The following EPC1 variants were observed in gnomAD, a reference collection of about 807,000 sequenced individuals.
EPC1 encodes enhancer of polycomb 1.
A neutral mutation model predicts 98.4 loss-of-function variants in EPC1; 12 were observed. The observed-to-expected ratio is 0.12, with a 90% CI of 0.08 to 0.20. The LOEUF (loss-of-function observed/expected upper bound fraction) is 0.20, where lower values mean the gene tolerates loss of function less well. EPC1 is among the 10% of genes least tolerant of loss of function. The probability of loss-of-function intolerance (pLI) is 1.00; values close to 1 mark genes in which losing one functional copy is unlikely to be tolerated. For missense variants in EPC1, 729 were observed against 990.5 expected (o/e 0.74, Z 3.54); for synonymous variants, 357 against 363.9 (o/e 0.98, Z 0.21).
At chr10:32,309,593 C>T (rs1442009146) in intron 1 of EPC1, among the ~76,000 whole-genome samples, 4 of 150,624 alleles carry the variant, frequency 2.7e-5, no homozygotes, top group South Asian at 2.1e-4. Flanking sequence ...CGGTGGCTCA[C>T]GCCTGTAATC....
rs146114343 is a variant in EPC1, at chr10:32,292,603, C to T, written c.708G>A (p.Lys236=). The T allele has an allele frequency of 1.1e-5, 18 of 1,603,976 alleles. No homozygotes were observed. In the African/African-American group the frequency reaches 2.4e-4, roughly 22 times the overall value. ...CAGCTCGACTTAGATCTCGTCGCAG[C>T]TTAAGCATTTTTTCGTAAGAGGCTT... ...NDEASYEKML[K]LRRDLSRAVT... The change falls in exon 5 of 14, where the codon AAG becomes AAA. Residue 236 remains lysine, a synonymous_variant. Coordinates refer to ENST00000319778, the MANE Select transcript of EPC1 (RefSeq NM_001272004.3).
At chr10:32,356,560 G>T (rs775041037) in intron 1 of EPC1, among the ~76,000 whole-genome samples, 1 of 152,136 alleles carries the variant, frequency 6.6e-6, no homozygotes, top group African/African-American at 2.4e-5. Flanking sequence ...GGAGATCAAC[G>T]AGGAGAATCA....
At chr10:32,366,262 G>A (rs567925576) in intron 1 of EPC1, among the ~76,000 whole-genome samples, 1 of 152,262 alleles carries the variant, frequency 6.6e-6, no homozygotes, top group East Asian at 1.9e-4. Context: ...CTGTGCAAAA[G>A]CATTGTACTA....
At chr10:32,375,273 C>A (rs1215100201) in intron 1 of EPC1, among the ~76,000 whole-genome samples, 2 of 151,912 alleles carry the variant, frequency 1.3e-5, no homozygotes, top group Non-Finnish European at 2.9e-5. Context: ...AAGTTCATTC[C>A]AAGGTAGATT....
intron 2 of EPC1, among the ~76,000 whole-genome samples, chr10:32,303,504 A>G (rs1427054679): frequency 3.9e-5 from 6 of 152,252 alleles, no homozygotes; most frequent in African/African-American, 1.4e-4. Context: ...TCATATATCC[A>G]ACAACTGAAT....
At chr10:32,342,605 T>C (rs569195147) in intron 1 of EPC1, among the ~76,000 whole-genome samples, 91 of 152,316 alleles carry the variant, frequency 6.0e-4, no homozygotes, top group African/African-American at 2.1e-3. Flanking sequence ...TAGATCCTAC[T>C]TGTAACAGTT....
chr10:32,335,601 A>AC (rs563947944), intron 1 of EPC1, among the ~76,000 whole-genome samples: 2 of 152,258 alleles, frequency 1.3e-5, no homozygotes, highest in South Asian at 4.1e-4. Context: ...TCAAAAAAAC[A>AC]CAACCACTCA....
chr10:32,378,594 A>G, exon 1 of EPC1: 2 of 726,930 alleles, frequency 2.8e-6, no homozygotes, highest in Non-Finnish European at 4.5e-6. Context: ...CAGCATATGG[A>G]TCTTCCAACA....
intron 2 of EPC1, among the ~76,000 whole-genome samples, chr10:32,303,334 G>C (rs1398009490): frequency 6.6e-6 from 1 of 152,044 alleles, no homozygotes; most frequent in Non-Finnish European, 1.5e-5. Flanking sequence ...AACAACTCAT[G>C]TTCTCAAAAA....
At chr10:32,269,522 G>A (rs984863546) in intron 13 of EPC1, 5 of 179,962 alleles carry the variant, frequency 2.8e-5, no homozygotes, top group Non-Finnish European at 3.5e-5. Context: ...TCTAATACAT[G>A]GAGCTGAGTG....
chr10:32,280,696 C>T (rs1312706357), intron 10 of EPC1, among the ~76,000 whole-genome samples: 4 of 152,066 alleles, frequency 2.6e-5, no homozygotes, highest in African/African-American at 9.7e-5. Context: ...TGAGATCATG[C>T]CACTGCACTC....
chr10:32,345,636 A>G (rs530297535), intron 1 of EPC1: 1 of 985,278 alleles, frequency 1.0e-6, no homozygotes, highest in Non-Finnish European at 1.2e-6. Flanking sequence ...GGGGGAAATG[A>G]GAGGAAGATT....
Position 32,268,361 on chromosome 10 carries a change from TG to T in EPC1, c.*701del, listed in dbSNP as rs199923282. On this transcript the variant is annotated 3_prime_UTR_variant, in exon 14 of 14. Coordinates refer to ENST00000319778, the MANE Select transcript of EPC1 (RefSeq NM_001272004.3). ...GATTCAAGAGACTTCATTTTTAGCT[TG>T]TTACTTGTCCTAATGATAGTAGACC... The T allele has an allele frequency of 7.8e-4, 118 of 151,972 alleles. 4 individuals are homozygous for T. The East Asian group carries it at 0.022, about 28-fold the overall frequency. The allele number at this position is 151,972 out of a possible 1,614,324, so 9.4% of individuals were successfully genotyped here. A position where few individuals can be genotyped will look rare whatever the true frequency, so the allele number is the denominator to read the frequency against.
chr10:32,306,875 C>T (rs1420572427), intron 1 of EPC1, among the ~76,000 whole-genome samples: 1 of 151,952 alleles, frequency 6.6e-6, no homozygotes, highest in Non-Finnish European at 1.5e-5. Flanking sequence ...CACACACACA[C>T]ACACACACAC....
upstream of EPC1, among the ~76,000 whole-genome samples, chr10:32,352,184 A>G (rs1189060046): frequency 6.6e-6 from 1 of 150,848 alleles, no homozygotes; most frequent in African/African-American, 2.4e-5. Flanking sequence ...AGCTGGGACT[A>G]CAGGCACCTG....
rs758236325 is a variant in EPC1, at chr10:32,331,615, ACTATC to A, written c.153+15143_153+15147del. ...TATTAGACTTAGAGATAACATATAAACTATCCAAAGTAAAAATAAGTATTTTAATA... is the reference window on the plus strand; with the variant it reads ...TATTAGACTTAGAGATAACATATAAACAAAGTAAAAATAAGTATTTTAATA... On this transcript the variant is annotated intron_variant, in intron 1 of 13. Coordinates refer to ENST00000319778, the MANE Select transcript of EPC1 (RefSeq NM_001272004.3). 2.0e-3 allele frequency among the ~76,000 whole-genome samples: 309 copies of A among 152,284 alleles called. 1 individual carries two copies. The highest frequency in any genetic ancestry group is 2.1e-3 in the East Asian group (11 of 5,190).
chr10:32,338,973 A>T (rs1173196924), intron 1 of EPC1, among the ~76,000 whole-genome samples: 1 of 151,384 alleles, frequency 6.6e-6, no homozygotes, highest in African/African-American at 2.4e-5. Flanking sequence ...AAAATAATAA[A>T]AATAATAATA....
In EPC1 at chr10:32,287,115, C is replaced by T. The variant is rs1836730536; in HGVS notation, c.1135G>A (p.Glu379Lys). Residue 379 changes from glutamate to lysine, a missense_variant, in exon 7 of 14, where the codon GAA (glutamate) becomes AAA (lysine). This residue lies in a region of EPC1 where 390 missense variants were observed against 438.6 expected (regional missense o/e 0.89). Coordinates refer to ENST00000319778, the MANE Select transcript of EPC1 (RefSeq NM_001272004.3). ...LNQYDFPSSDEEPLSQVLSGS... is the reference protein window; with the variant it reads ...LNQYDFPSSDKEPLSQVLSGS... ...ATTTGTACCTGGGAGAGAGGTTCTT[C>T]GTCTGAGCTGGGAAAGTCATACTGA... 7 of 1,614,162 alleles carry T rather than the reference C, an allele frequency of 4.3e-6. No homozygotes were observed. The highest frequency in any genetic ancestry group is 5.9e-6 in the Non-Finnish European group (7 of 1,180,038).
intron 6 of EPC1, 60 bp from the exon 7 acceptor site, chr10:32,287,334 T>C (rs1413736735): frequency 1.3e-6 from 2 of 1,569,942 alleles, no homozygotes; most frequent in East Asian, 4.5e-5. Flanking sequence ...ATTTGCAGTT[T>C]TGGGGGAAAT....
Sources: gnomAD v4.1 joint callset for allele counts (sites outside exome capture counted in the v4.1 genomes callset) on GRCh38, gnomAD v4.1.1 for gene constraint, gnomAD v4.1.1 regional missense constraint, MANE v1.5 for transcripts, NCBI Gene and HGNC (gene_info 2026-07-23, HGNC 2026-07-21) for gene names.